The following PPP2R5C variants were observed in gnomAD, a reference collection of about 807,000 sequenced individuals.
PPP2R5C encodes protein phosphatase 2 regulatory subunit B'gamma.
PPP2R5C carries 7 observed loss-of-function variants against 68.9 expected under a neutral mutation model. The observed-to-expected ratio is 0.10, with a 90% CI of 0.06 to 0.19. PPP2R5C has a LOEUF of 0.19. Ranked by LOEUF, PPP2R5C falls within the 10% of genes least tolerant of loss-of-function variation. The pLI is 1.00. For synonymous variants in PPP2R5C, 210 were observed against 222.2 expected, an observed-to-expected ratio of 0.95 and a Z score of 0.49; for missense variants, 348 against 641.3, an observed-to-expected ratio of 0.54 and a Z score of 4.94.
upstream of PPP2R5C, among the ~76,000 whole-genome samples, chr14:101,761,340 G>A (rs1195324428): frequency 6.6e-6 from 1 of 152,074 alleles, no homozygotes; most frequent in Non-Finnish European, 1.5e-5. Context: ...GCGGGCCACG[G>A]CCCTGTCACC....
intron 1 of PPP2R5C, among the ~76,000 whole-genome samples, chr14:101,847,700 A>G (rs534313816): frequency 7.7e-6 from 1 of 129,804 alleles, no homozygotes; most frequent in African/African-American, 3.0e-5. Context: ...CGGAGTCTCT[A>G]TCGCGAGGCT....
intron 3 of PPP2R5C, among the ~76,000 whole-genome samples, chr14:101,793,912 T>A (rs2038485936): frequency 6.6e-6 from 1 of 152,220 alleles, no homozygotes; most frequent in Non-Finnish European, 1.5e-5. Context: ...TCTCTGAAGT[T>A]ACGCCATCAA....
At chr14:101,831,923 A>G in intron 1 of PPP2R5C, 1 of 563,370 alleles carries the variant, frequency 1.8e-6, no homozygotes, top group Non-Finnish European at 3.3e-6. Context: ...CAGCAATATT[A>G]TGATACAGCT....
intron 1 of PPP2R5C, among the ~76,000 whole-genome samples, chr14:101,849,643 G>A (rs1261271371): frequency 1.1e-5 from 1 of 90,980 alleles, no homozygotes; most frequent in Non-Finnish European, 2.5e-5. Context: ...TGGATGTCTT[G>A]ATGAAGGAAA....
chr14:101,837,742 TAA>T (rs1364963587), intron 1 of PPP2R5C, among the ~76,000 whole-genome samples: 1 of 152,176 alleles, frequency 6.6e-6, no homozygotes, highest in Non-Finnish European at 1.5e-5. Flanking sequence ...ATTAAATGAA[TAA>T]GAGCTAATAA....
intron 2 of PPP2R5C, among the ~76,000 whole-genome samples, chr14:101,860,862 C>A (rs959707706): frequency 6.6e-6 from 1 of 152,192 alleles, no homozygotes; most frequent in South Asian, 2.1e-4. Flanking sequence ...GATCATCTAG[C>A]TTGACCCTTT....
rs760425600 is a variant in PPP2R5C, at chr14:101,917,026, C to T, written c.1327-805C>T. Among the ~76,000 whole-genome samples, 5 of 152,192 alleles carry T rather than the reference C, an allele frequency of 3.3e-5. No homozygotes were observed. The highest frequency in any genetic ancestry group is 4.8e-5 in the African/African-American group (2 of 41,438). On this transcript the variant is annotated intron_variant, in intron 12 of 13. Transcript: ENST00000334743. This position sits in a 1 kb window ranked among gnomAD's most constrained non-coding sequence, Gnocchi z 4.4. ...CAGCAGACACAGATGCCACTTCCTT[C>T]GCCTGTGCCCTCAGAGCCAGCAGAC...
Position 101,835,496 on chromosome 14 carries a change from G to C in PPP2R5C, c.95-21190G>C, listed in dbSNP as rs1371218725. On this transcript the variant is annotated intron_variant, in intron 1 of 13. Transcript: ENST00000334743. This position sits in a 1 kb window ranked among gnomAD's most constrained non-coding sequence, Gnocchi z 5.0. ...AGTGTCCCAGACGTTTGTTCAGAGG[G>C]CTCCTTCCCACTTGTCATCTGTAAT... Among the ~76,000 whole-genome samples, 1 of 152,186 alleles carries C rather than the reference G, an allele frequency of 6.6e-6. No individual in the cohort carries two copies. The highest frequency in any genetic ancestry group is 1.5e-5 in the Non-Finnish European group (1 of 68,038).
At chr14:101,907,756 G>A (rs569409260) in intron 10 of PPP2R5C, among the ~76,000 whole-genome samples, 83 of 152,252 alleles carry the variant, frequency 5.5e-4, no homozygotes, top group African/African-American at 1.9e-3. Context: ...CACCCCTCTG[G>A]CTGTGCTGCA....
At chr14:101,883,403 A>G (rs1442805804) in intron 4 of PPP2R5C, 29 bp from the exon 7 acceptor site, 4 of 1,612,254 alleles carry the variant, frequency 2.5e-6, no homozygotes, top group Non-Finnish European at 3.4e-6. Flanking sequence ...GATGACACCC[A>G]GCCACTAAGT....
chr14:101,873,658 C>T (rs1424561849), intron 2 of PPP2R5C, among the ~76,000 whole-genome samples: 1 of 152,164 alleles, frequency 6.6e-6, no homozygotes, highest in Non-Finnish European at 1.5e-5. Flanking sequence ...ATATGCTGAT[C>T]TGTACTCTGC....
At chr14:101,800,320 G>A (rs913642456) in intron 3 of PPP2R5C, among the ~76,000 whole-genome samples, 3 of 152,132 alleles carry the variant, frequency 2.0e-5, no homozygotes, top group Non-Finnish European at 4.4e-5. Context: ...CTAGAACTTC[G>A]GGAGGCCGAG....
intron 7 of PPP2R5C, 96 bp from the exon 10 acceptor site, chr14:101,894,411 T>A (rs1407927787): frequency 1.7e-6 from 2 of 1,180,006 alleles, no homozygotes; most frequent in Non-Finnish European, 2.5e-6. Flanking sequence ...TGGGTCCTTG[T>A]CTTGCTGTGG....
rs767879002 is a variant in PPP2R5C at position 101,797,510 on chromosome 14, G to A, written c.259+11327G>A. The A allele has an allele frequency of 3.3e-5, 11 of 335,502 alleles. No homozygotes were observed. The highest frequency in any genetic ancestry group is 8.0e-5 in the East Asian group (1 of 12,538). The allele number at this position is 335,502 out of a possible 1,614,324, so 20.8% of individuals were successfully genotyped here. A position where few individuals can be genotyped will look rare whatever the true frequency, so the allele number is the denominator to read the frequency against. On this transcript the variant is annotated intron_variant, in intron 3 of 14. Transcript: ENST00000328724. The surrounding 1 kb of genome is among the most constrained non-coding windows in gnomAD (Gnocchi z 4.2). ...TTTCTCCACCCTCTCCATTTTCACC[G>A]AGATGGTTGTGGTGTCACCTCTCGT...
intron 13 of PPP2R5C, among the ~76,000 whole-genome samples, chr14:101,922,685 G>A (rs993809798): frequency 2.0e-5 from 3 of 151,598 alleles, no homozygotes; most frequent in African/African-American, 7.3e-5. Flanking sequence ...CAGGCATGTG[G>A]TGCGTGCCTG....
intron 2 of PPP2R5C, among the ~76,000 whole-genome samples, chr14:101,878,371 C>G (rs1411073095): frequency 6.6e-6 from 1 of 152,228 alleles, no homozygotes; most frequent in Non-Finnish European, 1.5e-5. Context: ...TGCAGGCCCT[C>G]AGCTCAGCAT....
chr14:101,817,699 C>T (rs2039807693), intron 1 of PPP2R5C, among the ~76,000 whole-genome samples: 1 of 150,836 alleles, frequency 6.6e-6, no homozygotes, highest in Non-Finnish European at 1.5e-5. Flanking sequence ...CATCCCCCAC[C>T]CCGCCCACCC....
At chr14:101,892,799 G>T (rs966830411) in intron 6 of PPP2R5C, among the ~76,000 whole-genome samples, 13 of 152,122 alleles carry the variant, frequency 8.5e-5, no homozygotes, top group East Asian at 5.8e-4. Flanking sequence ...GCGCACTACA[G>T]CCTCGAACTC....
At chr14:101,802,167 C>T (rs1325797240) in intron 3 of PPP2R5C, among the ~76,000 whole-genome samples, 2 of 152,352 alleles carry the variant, frequency 1.3e-5, no homozygotes, top group African/African-American at 2.4e-5. Context: ...GGAATCCCAG[C>T]ACTTTGGGAG....
Sources: allele counts gnomAD v4.1 joint callset (sites outside exome capture counted in the v4.1 genomes callset), GRCh38; gene constraint gnomAD v4.1.1; non-coding constraint Gnocchi (gnomAD v3.1); transcripts MANE v1.5; gene names NCBI Gene and HGNC (gene_info 2026-07-23, HGNC 2026-07-21).